SLC12A8: variants seen among roughly 807,000 people sequenced by gnomAD.
SLC12A8 encodes solute carrier family 12 member 8, also known as cation-chloride cotransporter 9.
SLC12A8 carries 69 observed loss-of-function variants against 75.6 expected under a neutral mutation model. The observed-to-expected ratio is 0.91, with a 90% confidence interval of 0.75 to 1.11. The LOEUF (loss-of-function observed/expected upper bound fraction) is 1.11, where lower values mean the gene tolerates loss of function less well. SLC12A8 is among the 50% of genes most tolerant of loss of function. The pLI is 0.00. For missense variants in SLC12A8, 877 were observed against 896.7 expected, an observed-to-expected ratio of 0.98 and a Z score of 0.28; for synonymous variants, 365 against 372.8, an observed-to-expected ratio of 0.98 and a Z score of 0.24.
intron 5 of SLC12A8, among the ~76,000 whole-genome samples, chr3:125,172,154 A>C (rs1346788110): frequency 6.6e-6 from 1 of 151,796 alleles, no homozygotes; most frequent in Non-Finnish European, 1.5e-5. Context: ...AGTGCCTGTA[A>C]TCTCAGCTAC....
chr3:125,118,461 C>CA (rs1361138797), intron 8 of SLC12A8, among the ~76,000 whole-genome samples: 2 of 151,376 alleles, frequency 1.3e-5, no homozygotes, highest in East Asian at 3.9e-4. Context: ...TCATCTCTAC[C>CA]AAAAAATTAA....
chr3:125,133,174 G>A (rs772522992), intron 6 of SLC12A8, among the ~76,000 whole-genome samples: 1 of 152,134 alleles, frequency 6.6e-6, no homozygotes, highest in Non-Finnish European at 1.5e-5. Context: ...ATAAGGAAAA[G>A]TGGGATTGAG....
chr3:125,211,590 C>T (rs534358460), intron 1 of SLC12A8, among the ~76,000 whole-genome samples, 196 bp from the exon 2 acceptor site: 40 of 152,294 alleles, frequency 2.6e-4, no homozygotes, highest in African/African-American at 9.6e-4. Context: ...TCCTTCAGTG[C>T]CCACCTGTGC....
intron 5 of SLC12A8, among the ~76,000 whole-genome samples, chr3:125,173,465 A>AC (rs1159766940): frequency 6.6e-6 from 1 of 150,680 alleles, no homozygotes; most frequent in Non-Finnish European, 1.5e-5. Context: ...AAAAAAAAAA[A>AC]AAAAAAAAAA....
intron 2 of SLC12A8, among the ~76,000 whole-genome samples, chr3:125,207,444 C>T (rs1021696735): frequency 1.3e-5 from 2 of 152,186 alleles, no homozygotes; most frequent in Non-Finnish European, 2.9e-5. Flanking sequence ...TAGCTGGAGG[C>T]ACTTCTTATT....
Position 125,124,366 on chromosome 3 carries a change from G to A in SLC12A8, c.737-3680C>T, listed in dbSNP as rs544752345. ...TTTTGAGATGGAGTTTCCCTCTGTC[G>A]CCCAAGCTGGAGTGCAATAGTGTGA... On this transcript the variant is annotated intron_variant, in intron 6 of 13. Transcript: ENST00000469902. 2.4e-3 allele frequency among the ~76,000 whole-genome samples: 361 copies of A among 152,004 alleles called. 3 individuals are homozygous for A. Among genetic ancestry groups the A allele is most frequent in the African/African-American group, 8.3e-3 (344 of 41,452 alleles).
At chr3:125,123,172 C>T (rs1201344438) in intron 6 of SLC12A8, among the ~76,000 whole-genome samples, 4 of 151,790 alleles carry the variant, frequency 2.6e-5, no homozygotes, top group African/African-American at 4.8e-5. Flanking sequence ...GTCAGGAGTT[C>T]GAGACCAGCC....
intron 10 of SLC12A8, among the ~76,000 whole-genome samples, chr3:125,104,400 T>C (rs1308300959): frequency 6.6e-6 from 1 of 151,712 alleles, no homozygotes; most frequent in Non-Finnish European, 1.5e-5. Context: ...TGAGCCACCA[T>C]GTCCAGCCTC....
At chr3:125,133,865 G>A (rs1933423296) in intron 6 of SLC12A8, among the ~76,000 whole-genome samples, 1 of 152,196 alleles carries the variant, frequency 6.6e-6, no homozygotes, top group South Asian at 2.1e-4. Flanking sequence ...AAGCCACCAC[G>A]CCAGGCCAGG....
intron 2 of SLC12A8, among the ~76,000 whole-genome samples, chr3:125,195,169 T>A (rs76322037): frequency 0.037 from 5,570 of 152,340 alleles, 158 homozygotes; most frequent in Admixed American, 0.077. Context: ...GACAAAGAAG[T>A]CTTTTGACTG....
intron 2 of SLC12A8, among the ~76,000 whole-genome samples, chr3:125,199,393 G>A (rs1463916321): frequency 1.3e-5 from 2 of 152,084 alleles, no homozygotes; most frequent in African/African-American, 4.8e-5. Context: ...TAAATAAATA[G>A]GTTGCAAAAC....
rs192017291 is a variant in SLC12A8, at chr3:125,136,608, G to A, written c.623-826C>T. Among the ~76,000 whole-genome samples the A allele has an allele frequency of 8.7e-4, 133 of 152,310 alleles. 2 individuals are homozygous for A. The highest frequency in any genetic ancestry group is 1.1e-3 in the Non-Finnish European group (73 of 68,020). ...TAGGTAGGTTGCAAATATGGGTCAC[G>A]CTGAAAAGAACCTTTCTCTTAGATC... On this transcript the variant is annotated intron_variant, in intron 5 of 13. Transcript: ENST00000469902.
At chr3:125,154,911 C>G (rs541010924) in intron 5 of SLC12A8, 1 of 152,224 alleles carries the variant, frequency 6.6e-6, no homozygotes, top group Non-Finnish European at 1.5e-5. Context: ...TAGCACTTGG[C>G]TATTATTGGC....
chr3:125,207,375 C>T (rs890019759), intron 2 of SLC12A8, among the ~76,000 whole-genome samples: 1 of 152,252 alleles, frequency 6.6e-6, no homozygotes, highest in African/African-American at 2.4e-5. Context: ...GCCAGCTTCC[C>T]TTTTAAGTTC....
intron 5 of SLC12A8, among the ~76,000 whole-genome samples, chr3:125,174,280 T>C (rs1214316337): frequency 6.6e-6 from 1 of 152,186 alleles, no homozygotes; most frequent in Non-Finnish European, 1.5e-5. Flanking sequence ...AATGATGAGA[T>C]ATTACTATGC....
At chr3:125,110,095 C>G in intron 9 of SLC12A8, 94 bp downstream of exon 9, 1 of 1,309,530 alleles carries the variant, frequency 7.6e-7, no homozygotes, top group Non-Finnish European at 1.1e-6. Flanking sequence ...ACCAGAGGCT[C>G]TGATCAGAAA....
At chr3:125,211,429 TCTC>T (rs1238005603) in intron 1 of SLC12A8, 35 bp from the exon 2 acceptor site, 5 of 1,029,408 alleles carry the variant, frequency 4.9e-6, no homozygotes, top group Non-Finnish European at 7.7e-6. Context: ...CAGGCTGGCT[TCTC>T]CTCTCCTCTC....
At chr3:125,200,764 T>C (rs1935103872) in intron 2 of SLC12A8, among the ~76,000 whole-genome samples, 6 of 152,234 alleles carry the variant, frequency 3.9e-5, no homozygotes, top group Admixed American at 3.9e-4. Context: ...TGTTATTCTT[T>C]ACTAATAACT....
intron 13 of SLC12A8, among the ~76,000 whole-genome samples, chr3:125,087,168 C>T (rs902898575): frequency 1.3e-4 from 19 of 150,082 alleles, no homozygotes; most frequent in Non-Finnish European, 4.4e-5. Context: ...GATCCCGGCT[C>T]ACAGTAACCT....
Sources: allele counts gnomAD v4.1 joint callset (sites outside exome capture counted in the v4.1 genomes callset), GRCh38; gene constraint gnomAD v4.1.1; transcripts MANE v1.5; gene names NCBI Gene and HGNC (gene_info 2026-07-23, HGNC 2026-07-21).